C2CD2: variants seen among roughly 807,000 people sequenced by gnomAD.
C2CD2 encodes C2 domain-containing protein 2.
Under a neutral mutation model 74.3 loss-of-function variants are expected in C2CD2, and 43 were observed. The ratio of observed to expected loss-of-function variants is 0.58; its 90% confidence interval spans 0.45 to 0.75. C2CD2 has a LOEUF of 0.75. Among genes scored for constraint, C2CD2 ranks in the 30% least tolerant of loss-of-function variants. The pLI is 0.00. For missense variants in C2CD2, 801 were observed against 916.3 expected (o/e 0.87, Z 1.63); for synonymous variants, 422 against 390.7 (o/e 1.08, Z -0.94).
intron 6 of C2CD2, 38 bp downstream of exon 6, chr21:41,914,560 G>A: frequency 1.3e-6 from 2 of 1,599,312 alleles, no homozygotes; most frequent in African/African-American, 2.7e-5. Flanking sequence ...GGGGCTGGAA[G>A]AGCCCCTCCA....
intron 2 of C2CD2, among the ~76,000 whole-genome samples, chr21:41,928,850 G>A (rs901710218): frequency 2.0e-5 from 3 of 152,180 alleles, no homozygotes; most frequent in African/African-American, 4.8e-5. Context: ...GTCCAGTTCC[G>A]TCTGTAGCTG....
In C2CD2 at chr21:41,923,129, G is replaced by A. The variant is rs2065173637; in HGVS notation, c.379-1044C>T. ...TCCTGCCTCAAACTCCCGAGTGGCT[G>A]GGTTTACAGGCGTGTGCTACTACTC... is the stretch of plus-strand genomic sequence containing the variant. On this transcript the variant is annotated intron_variant, in intron 2 of 13. Coordinates refer to ENST00000380486, the MANE Select transcript of C2CD2 (RefSeq NM_015500.2). The surrounding 1 kb of genome is among the most constrained non-coding windows in gnomAD (Gnocchi z 5.8). Among the ~76,000 whole-genome samples the A allele has an allele frequency of 1.3e-5, 2 of 151,990 alleles. No individual in the cohort carries two copies. Among genetic ancestry groups the A allele is most frequent in the African/African-American group, 2.4e-5 (1 of 41,374 alleles).
At chr21:41,935,545 G>A (rs2065299798) in intron 2 of C2CD2, among the ~76,000 whole-genome samples, 1 of 152,102 alleles carries the variant, frequency 6.6e-6, no homozygotes, top group Admixed American at 6.6e-5. Flanking sequence ...TGTGCTTGCT[G>A]AAGCCTGACC....
intron 5 of C2CD2, 152 bp from the exon 6 acceptor site, chr21:41,914,873 A>T (rs1719682717): frequency 1.7e-6 from 1 of 600,304 alleles, no homozygotes; most frequent in Non-Finnish European, 2.8e-6. Context: ...ATCTGCTCTG[A>T]AACAATTTCC....
At chr21:41,936,559 C>G (rs2065308742) in intron 2 of C2CD2, among the ~76,000 whole-genome samples, 1 of 152,160 alleles carries the variant, frequency 6.6e-6, no homozygotes, top group South Asian at 2.1e-4. Flanking sequence ...AAACAGAGAA[C>G]TACCATATGA....
intron 2 of C2CD2, among the ~76,000 whole-genome samples, chr21:41,931,145 C>T (rs1295900690): frequency 1.3e-5 from 2 of 150,306 alleles, no homozygotes; most frequent in Non-Finnish European, 3.0e-5. Flanking sequence ...AGAGAGAGCC[C>T]CGGAGAAAAG....
chr21:41,947,112 T>TTCTCTCCCTCTCTCTCTCCCTC (rs1555906756), intron 1 of C2CD2, among the ~76,000 whole-genome samples: 1 of 26,214 alleles, frequency 3.8e-5, no homozygotes. Context: ...CCTTTCTCTT[T>TTCTCTCCCTCTCTCTCTCCCTC]TCTCTCTCTC....
At chr21:41,918,025 C>T (rs116171070) in intron 5 of C2CD2, 80 bp downstream of exon 5, 21,826 of 1,536,698 alleles carry the variant, frequency 0.014, 213 homozygotes, top group Middle Eastern at 0.044. Flanking sequence ...AACGCTGGAA[C>T]GCACACAGAT....
At position 41,911,776 on chromosome 21, in the gene C2CD2, G is replaced by A. The variant is rs534870483; in HGVS notation, c.953+556C>T. Among the ~76,000 whole-genome samples the A allele has an allele frequency of 2.6e-5, 4 of 151,424 alleles. No homozygotes were observed. In the East Asian group the frequency reaches 7.8e-4, roughly 29 times the overall value. On this transcript the variant is annotated intron_variant, in intron 7 of 13. Transcript: ENST00000380486. ...CACAATCACAGCTCACTGAAGCCTCGCTCTCCCAGACTCAAGCAATCCTCC... is the reference window on the plus strand; with the variant it reads ...CACAATCACAGCTCACTGAAGCCTCACTCTCCCAGACTCAAGCAATCCTCC...
chr21:41,896,546 C>A (rs531788), intron 13 of C2CD2, among the ~76,000 whole-genome samples: 6 of 152,076 alleles, frequency 3.9e-5, no homozygotes, highest in Non-Finnish European at 7.3e-5. Flanking sequence ...CTTCACTGAT[C>A]TTTTTTTAAA....
intron 6 of C2CD2, among the ~76,000 whole-genome samples, chr21:41,913,208 G>C (rs2065049009): frequency 6.6e-6 from 1 of 152,232 alleles, no homozygotes; most frequent in Non-Finnish European, 1.5e-5. Context: ...GACAGGTGCT[G>C]TACCTGATAC....
At chr21:41,912,551 C>A (rs966075773) in intron 6 of C2CD2, 111 bp from the exon 7 acceptor site, 51 of 431,282 alleles carry the variant, frequency 1.2e-4, no homozygotes, top group Non-Finnish European at 1.7e-4. Flanking sequence ...AGTGCAGTGG[C>A]GCAATCTCGG....
rs115500531 is a variant in C2CD2 at position 41,897,728 on chromosome 21, C to T, written c.1870+1325G>A. On this transcript the variant is annotated intron_variant, in intron 13 of 13. Coordinates refer to ENST00000380486, the MANE Select transcript of C2CD2 (RefSeq NM_015500.2). ...GGAGGGGGGCATGGGAGAGGGAGGC[C>T]GCCGTGCCATGGCTGAGGGACACAA... Among the ~76,000 whole-genome samples the T allele has an allele frequency of 8.0e-3, 1,214 of 152,284 alleles. 8 individuals are homozygous for T. The highest frequency in any genetic ancestry group is 0.026 in the African/African-American group (1,092 of 41,550).
At chr21:41,941,578 G>T (rs1418655405) in intron 2 of C2CD2, among the ~76,000 whole-genome samples, 3 of 152,158 alleles carry the variant, frequency 2.0e-5, no homozygotes, top group Non-Finnish European at 4.4e-5. Flanking sequence ...TCTACAACAT[G>T]ATGTGCATAT....
At chr21:41,909,552 T>TA in intron 7 of C2CD2, 29 bp from the exon 8 acceptor site, 5 of 1,473,600 alleles carry the variant, frequency 3.4e-6, no homozygotes, top group Non-Finnish European at 4.8e-6. Context: ...TTATGAGTCC[T>TA]AAAAAATGCA....
chr21:41,908,098 G>A, intron 8 of C2CD2: 1 of 374,120 alleles, frequency 2.7e-6, no homozygotes, highest in Non-Finnish European at 4.9e-6. Flanking sequence ...TGGAAGATGG[G>A]CATAAGCTAA....
In C2CD2 at chr21:41,895,216, C is replaced by A. The variant is rs528461761; in HGVS notation, c.1870+3837G>T. Among the ~76,000 whole-genome samples the A allele has an allele frequency of 3.9e-5, 6 of 152,308 alleles. No individual in the cohort carries two copies. The highest frequency in any genetic ancestry group is 3.9e-4 in the Admixed American group (6 of 15,304). Reference sequence around the variant, plus strand: ...CATCAGCTCTTGCCGGGGTCTCTGGCCTGCTGCCTGCCCTGCGGATTTCAG... The same window carrying A: ...CATCAGCTCTTGCCGGGGTCTCTGGACTGCTGCCTGCCCTGCGGATTTCAG... On this transcript the variant is annotated intron_variant, in intron 13 of 13. Coordinates refer to ENST00000380486, the MANE Select transcript of C2CD2 (RefSeq NM_015500.2). The surrounding 1 kb of genome is among the most constrained non-coding windows in gnomAD (Gnocchi z 5.0).
At position 41,953,654 on chromosome 21, in the gene C2CD2, A is replaced by C; in HGVS notation, c.-6T>G. ...CCCAGCCGGGCCATGGCCATGGCGCATCCCCGGCCCGCCTCGCCCCAACTT... is the reference window on the plus strand; with the variant it reads ...CCCAGCCGGGCCATGGCCATGGCGCCTCCCCGGCCCGCCTCGCCCCAACTT... On this transcript the variant is annotated 5_prime_UTR_variant, in exon 1 of 14. It removes an upstream start codon present in the reference 5' UTR. Transcript: ENST00000380486. 1 of 1,419,312 alleles carries C rather than the reference A, an allele frequency of 7.0e-7. No individual in the cohort carries two copies. The highest frequency in any genetic ancestry group is 3.0e-5 in the Admixed American group (1 of 33,140). 87.9% of individuals were successfully genotyped at this position (1,419,312 alleles called of 1,614,324 possible). A position where few individuals can be genotyped will look rare whatever the true frequency, so the allele number is the denominator to read the frequency against.
rs1023423052 is a variant in C2CD2, at chr21:41,901,489, A to G, written c.1560+133T>C. On this transcript the variant is annotated intron_variant, in intron 12 of 13. Transcript: ENST00000380486. ...ATGACTCCTTTGTGGGGTGAGGAAC[A>G]TAATTTGACATTTGTAAATGGAACT... The G allele has an allele frequency of 2.1e-5, 19 of 920,056 alleles. No homozygotes were observed. The South Asian group carries it at 2.2e-4, about 10-fold the overall frequency. The allele number at this position is 920,056 out of a possible 1,614,324, so 57.0% of individuals were successfully genotyped here. A position where few individuals can be genotyped will look rare whatever the true frequency, so the allele number is the denominator to read the frequency against.
Sources: gnomAD v4.1 joint callset for allele counts (sites outside exome capture counted in the v4.1 genomes callset) on GRCh38, gnomAD v4.1.1 for gene constraint, Gnocchi (gnomAD v3.1) non-coding constraint, MANE v1.5 for transcripts, NCBI Gene and HGNC (gene_info 2026-07-23, HGNC 2026-07-21) for gene names.